The following BBS2 variants were observed in gnomAD, a reference collection of about 807,000 sequenced individuals.
BBS2 encodes BBSome complex member BBS2.
A neutral mutation model predicts 83.0 loss-of-function variants in BBS2; 62 were observed. The ratio of observed to expected loss-of-function variants is 0.75; its 90% CI spans 0.61 to 0.92. BBS2 has a LOEUF of 0.92. Among genes scored for constraint, BBS2 ranks in the 40% least tolerant of loss-of-function variants. The pLI, the probability that BBS2 is intolerant of heterozygous loss-of-function variation, is 0.00. For missense variants in BBS2, 784 were observed against 901.0 expected, an observed-to-expected ratio of 0.87 and a Z score of 1.66; for synonymous variants, 303 against 326.1, an observed-to-expected ratio of 0.93 and a Z score of 0.76.
chr16:56,470,480 T>C (rs1332803997), exon 18 of BBS2: 1 of 1,593,042 alleles, frequency 6.3e-7, no homozygotes, highest in South Asian at 1.1e-5. Context: ...ACATTGCTGT[T>C]TTTCAGGTTT....
intron 2 of BBS2, among the ~76,000 whole-genome samples, chr16:56,513,850 A>G: frequency 6.6e-6 from 1 of 152,228 alleles, no homozygotes; most frequent in Non-Finnish European, 1.5e-5. Flanking sequence ...TGTGAATCAT[A>G]TCTTAATAAA....
intron 12 of BBS2, chr16:56,498,997 G>GCCCCGTCTCTACTAA: frequency 3.4e-6 from 1 of 293,174 alleles, no homozygotes. Flanking sequence ...AATGTAAAAT[G>GCCCCGTCTCTACTAA]AAGTATACAT....
At chr16:56,501,776 C>T (rs1417869396) in intron 9 of BBS2, 3 of 461,670 alleles carry the variant, frequency 6.5e-6, no homozygotes, top group Non-Finnish European at 1.2e-5. Flanking sequence ...TTAAAGTAAG[C>T]AAACAAATTC....
chr16:56,482,334 TC>T (rs1471179591), downstream of BBS2, among the ~76,000 whole-genome samples: 4 of 152,178 alleles, frequency 2.6e-5, no homozygotes, highest in Non-Finnish European at 4.4e-5. Context: ...TGCCTCAGTT[TC>T]CTCCTCTGTG....
In BBS2 at chr16:56,485,705, A is replaced by G. The variant is rs1014315603; in HGVS notation, c.1944T>C (p.Tyr648=). The G allele has an allele frequency of 6.2e-7, 1 of 1,613,934 alleles. No individual in the cohort carries two copies. Among genetic ancestry groups the G allele is most frequent in the Non-Finnish European group, 8.5e-7 (1 of 1,179,800 alleles). The change falls in exon 16 of 17, where the codon TAT becomes TAC. Residue 648 remains tyrosine, a synonymous_variant. Coordinates refer to ENST00000245157, the MANE Select transcript of BBS2 (RefSeq NM_031885.5). Reference sequence around the variant, plus strand: ...CATTTAGCAAGTCTCTATTAAGGTCATAGAGTTCCATATAACGACTCTTCA... The same window carrying G: ...CATTTAGCAAGTCTCTATTAAGGTCGTAGAGTTCCATATAACGACTCTTCA... ...KTMKSRYMEL[Y]DLNRDLLNGY... is the part of the protein sequence containing the mutation.
chr16:56,475,950 G>GCTT (rs1383833609), intron 17 of BBS2: 2 of 1,161,540 alleles, frequency 1.7e-6, no homozygotes. Flanking sequence ...CAGATTAAGT[G>GCTT]CTTGATATGG....
downstream of BBS2, among the ~76,000 whole-genome samples, chr16:56,482,878 A>G (rs141863639): frequency 4.6e-3 from 702 of 152,292 alleles, 13 homozygotes; most frequent in Admixed American, 0.041. Context: ...ATGTGACTCA[A>G]TGGAATTCTG....
rs1042357903 is a variant in BBS2, at chr16:56,519,980, G to A, written c.-118C>T. The A allele has an allele frequency of 2.2e-6, 2 of 907,174 alleles. No individual in the cohort carries two copies. The highest frequency in any genetic ancestry group is 2.0e-5 in the Admixed American group (1 of 50,562). The allele number at this position is 907,174 out of a possible 1,614,324, so 56.2% of individuals were successfully genotyped here. The stretch of plus-strand genomic sequence containing the variant: ...ACCTGCGCGGCCCCAGCCGCCTCAG[G>A]CCGGACGCGAAACAGCCCGGGACGA... On this transcript the variant is annotated 5_prime_UTR_variant, in exon 1 of 17. Coordinates refer to ENST00000245157, the MANE Select transcript of BBS2 (RefSeq NM_031885.5).
rs1226649220 is a variant in BBS2 at position 56,484,873 on chromosome 16, T to C, written c.2060-6A>G. Reference sequence around the variant, plus strand: ...CTGGTTCTTTGGTTTTCCAACTGCATAAGAAGAAACATCAGGAACCAAAAG... The same window carrying C: ...CTGGTTCTTTGGTTTTCCAACTGCACAAGAAGAAACATCAGGAACCAAAAG... On this transcript the variant is annotated splice_polypyrimidine_tract_variant and splice_region_variant and intron_variant, in intron 16 of 16. Transcript: ENST00000245157. 5 of 1,610,660 alleles carry C rather than the reference T, an allele frequency of 3.1e-6. No homozygotes were observed. The highest frequency in any genetic ancestry group is 1.3e-5 in the African/African-American group (1 of 74,840).
intron 1 of BBS2, among the ~76,000 whole-genome samples, chr16:56,517,478 T>C (rs1219209549): frequency 6.6e-6 from 1 of 152,222 alleles, no homozygotes; most frequent in Non-Finnish European, 1.5e-5. Context: ...TTTCCTCAGT[T>C]CCTTCAAACC....
At chr16:56,476,421 C>CTT (rs369101951) in intron 17 of BBS2, 71 of 287,210 alleles carry the variant, frequency 2.5e-4, no homozygotes, top group South Asian at 3.0e-4. Context: ...AAAAAGTTGG[C>CTT]TTTTTTTTTT....
At position 56,514,636 on chromosome 16, in the gene BBS2, T is replaced by G; in HGVS notation, c.162A>C (p.Ala54=). The G allele has an allele frequency of 5.0e-6, 8 of 1,614,154 alleles. No individual in the cohort carries two copies. Among genetic ancestry groups the G allele is most frequent in the Non-Finnish European group, 6.8e-6 (8 of 1,179,988 alleles). ...CCAGGGGGCTCTGGAAGACCCTGGA[T>G]GCACTGACATGCTGGTTCCGTGTAT... ...NPHTRNQHVS[A]SRVFQSPLES... is the part of the protein sequence containing the mutation. The change falls in exon 2 of 17, where the codon GCA becomes GCC. Residue 54 remains alanine, a synonymous_variant. Coordinates refer to ENST00000245157, the MANE Select transcript of BBS2 (RefSeq NM_031885.5).
At chr16:56,499,649 A>T in intron 12 of BBS2, 129 bp downstream of exon 12, 1 of 1,305,542 alleles carries the variant, frequency 7.7e-7, no homozygotes, top group Non-Finnish European at 1.1e-6. Flanking sequence ...CCCCCAAGTT[A>T]GAGAATTCTT....
At chr16:56,474,818 T>G in intron 17 of BBS2, 1 of 1,588,374 alleles carries the variant, frequency 6.3e-7, no homozygotes, top group Non-Finnish European at 8.5e-7. Flanking sequence ...ATCTTTTTTT[T>G]TTTCCTTAGA....
chr16:56,506,014 A>C lies in BBS2; in HGVS notation c.740T>G (p.Ile247Ser), dbSNP rs753940330. The C allele has an allele frequency of 1.2e-6, 2 of 1,614,080 alleles. No individual in the cohort carries two copies. Among genetic ancestry groups the C allele is most frequent in the Non-Finnish European group, 8.5e-7 (1 of 1,179,926 alleles). Residue 247 changes from isoleucine to serine, a missense_variant, in exon 7 of 17, where the codon ATT (isoleucine) becomes AGT (serine). Coordinates refer to ENST00000245157, the MANE Select transcript of BBS2 (RefSeq NM_031885.5). ...ATCAGAATTAAGGTCAAAAGCATGAATGCTCATGGCATGATTTTTCGACTG... is the reference window on the plus strand; with the variant it reads ...ATCAGAATTAAGGTCAAAAGCATGACTGCTCATGGCATGATTTTTCGACTG... The part of the protein sequence containing the change: ...RIKSKNHAMS[I>S]HAFDLNSDGV...
intron 13 of BBS2, 116 bp downstream of exon 13, chr16:56,498,321 T>C: frequency 2.2e-6 from 3 of 1,364,082 alleles, no homozygotes; most frequent in South Asian, 1.2e-5. Flanking sequence ...CCACCTCACT[T>C]TGGACTGAAT....
chr16:56,513,904 G>T (rs1244454741), intron 2 of BBS2, among the ~76,000 whole-genome samples: 1 of 152,134 alleles, frequency 6.6e-6, no homozygotes, highest in Non-Finnish European at 1.5e-5. Context: ...ATGTATATAT[G>T]ACCCCATTTT....
downstream of BBS2, among the ~76,000 whole-genome samples, chr16:56,484,048 C>T (rs1368977738): frequency 6.9e-6 from 1 of 145,848 alleles, no homozygotes; most frequent in African/African-American, 2.6e-5. Flanking sequence ...TTGCTGTCGC[C>T]CAGACTGGAG....
At chr16:56,505,000 T>C (rs1378750263) in intron 7 of BBS2, among the ~76,000 whole-genome samples, 1 of 152,222 alleles carries the variant, frequency 6.6e-6, no homozygotes, top group African/African-American at 2.4e-5. Context: ...TATGAGGAAG[T>C]GGTCCCTCAC....
Sources: allele counts gnomAD v4.1 joint callset (sites outside exome capture counted in the v4.1 genomes callset), GRCh38; gene constraint gnomAD v4.1.1; transcripts MANE v1.5; gene names NCBI Gene and HGNC (gene_info 2026-07-23, HGNC 2026-07-21).